The following TBC1D32 variants were observed in gnomAD, a reference collection of about 807,000 sequenced individuals.
TBC1D32 encodes protein broad-minded.
In TBC1D32, 151 loss-of-function variants were observed where a neutral mutation model predicts 170.3. The ratio of observed to expected loss-of-function variants is 0.89; its 90% CI spans 0.78 to 1.01. The LOEUF (loss-of-function observed/expected upper bound fraction) is 1.01. Among genes scored for constraint, TBC1D32 ranks in the 50% least tolerant of loss-of-function variants. TBC1D32 has a pLI of 0.00. For synonymous variants in TBC1D32, 498 were observed against 488.0 expected (o/e 1.02, Z -0.27); for missense variants, 1,464 against 1,457.1 (o/e 1.00, Z -0.08).
rs575468470 is a variant in TBC1D32 at position 121,112,437 on chromosome 6, C to G, written c.3324+68G>C. 5 of 1,340,792 alleles carry G rather than the reference C, an allele frequency of 3.7e-6. No homozygotes were observed. In the East Asian group the frequency reaches 7.6e-5, roughly 20 times the overall value. 83.1% of individuals were successfully genotyped at this position (1,340,792 alleles called of 1,614,324 possible). ...AAGTCCTTCACAAATAAAATTATGC[C>G]CCAGTGAATGTAAGTATAATGTTCT... On this transcript the variant is annotated intron_variant, in intron 29 of 31. Coordinates refer to ENST00000398212, the MANE Select transcript of TBC1D32 (RefSeq NM_152730.6).
chr6:121,099,703 A>G (rs1777801420), intron 30 of TBC1D32, among the ~76,000 whole-genome samples: 1 of 151,948 alleles, frequency 6.6e-6, no homozygotes, highest in African/African-American at 2.4e-5. Context: ...AATGGTAAAT[A>G]ATATCAACAG....
At chr6:121,324,099 T>C (rs963761479) in intron 1 of TBC1D32, among the ~76,000 whole-genome samples, 2 of 152,206 alleles carry the variant, frequency 1.3e-5, no homozygotes, top group Admixed American at 6.5e-5. Context: ...AAGCTACTAA[T>C]TCATTCACTT....
intron 10 of TBC1D32, among the ~76,000 whole-genome samples, chr6:121,298,744 C>G (rs973170252): frequency 6.6e-6 from 1 of 152,036 alleles, no homozygotes; most frequent in Admixed American, 6.6e-5. Flanking sequence ...TGCTCTACTG[C>G]ACTCAACCAA....
intron 26 of TBC1D32, among the ~76,000 whole-genome samples, chr6:121,120,584 A>C (rs1362663046): frequency 6.6e-6 from 1 of 151,962 alleles, no homozygotes; most frequent in African/African-American, 2.4e-5. Context: ...TTTTCACATA[A>C]ATTTTTATGT....
At chr6:121,095,940 C>A (rs984591783) in intron 30 of TBC1D32, 1 of 152,048 alleles carries the variant, frequency 6.6e-6, no homozygotes, top group Non-Finnish European at 1.5e-5. Flanking sequence ...ATGATGCTGG[C>A]CTTATAAAAT....
chr6:121,334,631 G>C (rs1470256247), upstream of TBC1D32: 5 of 617,438 alleles, frequency 8.1e-6, no homozygotes, highest in East Asian at 8.4e-5. Flanking sequence ...GGGGAAGCAG[G>C]GGTCCGCGAG....
rs1368774919 is a variant in TBC1D32, at chr6:121,299,489, C to A, written c.1097G>T (p.Arg366Ile). ...TTCAAGAAGTCTTAATACTGTAGTT[C>A]TGCTATAATGTGCATGCTAAAATTA... is the stretch of plus-strand genomic sequence containing the variant. ...FKKWMHAHYS[R>I]TTVLRLLETK... is the part of the protein sequence containing the mutation. Residue 366 changes from arginine (R) to isoleucine (I), a missense_variant, in exon 10 of 32, where the codon AGA becomes ATA. Arg to Ile is a moderately conservative substitution (Grantham distance 97). This residue lies in a region of TBC1D32 where 1,363 missense variants were observed against 1,338.1 expected (regional missense o/e 1.02). Transcript: ENST00000398212. 2 of 1,512,958 alleles carry A rather than the reference C, an allele frequency of 1.3e-6. No individual in the cohort carries two copies. The highest frequency in any genetic ancestry group is 1.4e-5 in the African/African-American group (1 of 73,324). 93.7% of individuals were successfully genotyped at this position (1,512,958 alleles called of 1,614,324 possible).
intron 1 of TBC1D32, among the ~76,000 whole-genome samples, chr6:121,330,182 T>C (rs1811025269): frequency 1.3e-5 from 2 of 152,160 alleles, no homozygotes; most frequent in Admixed American, 1.3e-4. Context: ...TACAGGCACA[T>C]GCCACTGCAC....
At chr6:121,172,466 A>T (rs1384752258) in intron 22 of TBC1D32, among the ~76,000 whole-genome samples, 1 of 152,164 alleles carries the variant, frequency 6.6e-6, no homozygotes, top group Non-Finnish European at 1.5e-5. Flanking sequence ...GATTAAGATC[A>T]ATGGGAAAAT....
intron 31 of TBC1D32, among the ~76,000 whole-genome samples, chr6:121,085,336 C>CAT (rs1776131376): frequency 7.9e-6 from 1 of 126,166 alleles, no homozygotes; most frequent in African/African-American, 3.9e-5. Context: ...TATATACATA[C>CAT]ATATATATAC....
chr6:121,303,425 A>G (rs1424315665), intron 9 of TBC1D32, among the ~76,000 whole-genome samples, 192 bp downstream of exon 9: 1 of 152,114 alleles, frequency 6.6e-6, no homozygotes, highest in Non-Finnish European at 1.5e-5. Context: ...TAACTTCTCC[A>G]TATCTCAGTT....
intron 20 of TBC1D32, among the ~76,000 whole-genome samples, chr6:121,227,296 T>A (rs949592994): frequency 6.6e-6 from 1 of 152,192 alleles, no homozygotes; most frequent in African/African-American, 2.4e-5. Context: ...TGTTTTTGGA[T>A]GAGAGAATCA....
At chr6:121,131,523 C>A in intron 25 of TBC1D32, 104 bp downstream of exon 25, 1 of 1,218,402 alleles carries the variant, frequency 8.2e-7, no homozygotes. Context: ...CTGGATTTAG[C>A]ATTATGTTTT....
intron 22 of TBC1D32, among the ~76,000 whole-genome samples, chr6:121,169,259 A>G (rs1786602511): frequency 6.6e-6 from 1 of 152,160 alleles, no homozygotes. Context: ...CCTAGAAATA[A>G]GGCCAAACTT....
Position 121,294,584 on chromosome 6 carries a change from T to A in TBC1D32, c.1217A>T (p.His406Leu), listed in dbSNP as rs1182524077. Reference sequence around the variant, plus strand: ...ATAATACTTACTGCAATGCTTTGAATGTCCCAAAGTTTCATCAGCTTTCCT... The same window carrying A: ...ATAATACTTACTGCAATGCTTTGAAAGTCCCAAAGTTTCATCAGCTTTCCT... ...KTRKADETLG[H>L]SKHCRNKQKT... Residue 406 changes from histidine to leucine, a missense_variant, in exon 11 of 32, where the codon CAT (histidine) becomes CTT (leucine). His to Leu is a moderately conservative substitution (Grantham distance 99, BLOSUM62 -3). This residue lies in a region of TBC1D32 where 1,363 missense variants were observed against 1,338.1 expected (regional missense o/e 1.02). Transcript: ENST00000398212. 1.9e-6 allele frequency: 3 copies of A among 1,611,366 alleles called. No individual in the cohort carries two copies. The highest frequency in any genetic ancestry group is 2.5e-6 in the Non-Finnish European group (3 of 1,178,888).
At chr6:121,279,856 C>T (rs935676099) in intron 14 of TBC1D32, among the ~76,000 whole-genome samples, 12 of 151,930 alleles carry the variant, frequency 7.9e-5, no homozygotes, top group African/African-American at 2.9e-4. Context: ...ATACTGAAAA[C>T]CAGAGAGCCA....
At chr6:121,268,574 A>G (rs900129932) in intron 15 of TBC1D32, among the ~76,000 whole-genome samples, 5 of 152,198 alleles carry the variant, frequency 3.3e-5, no homozygotes, top group Non-Finnish European at 5.9e-5. Context: ...AGGACTAAAA[A>G]GAAATGAACA....
At chr6:121,146,090 A>T (rs180840769) in intron 24 of TBC1D32, among the ~76,000 whole-genome samples, 1 of 152,310 alleles carries the variant, frequency 6.6e-6, no homozygotes, top group Admixed American at 6.5e-5. Context: ...GATGCCTTCC[A>T]TCATGCTATG....
At chr6:121,242,131 A>G in intron 18 of TBC1D32, 70 bp downstream of exon 18, 1 of 1,484,718 alleles carries the variant, frequency 6.7e-7, no homozygotes, top group Non-Finnish European at 9.2e-7. Context: ...CACAGAAAAC[A>G]GAATGATGTT....
Sources: gnomAD v4.1 joint callset for allele counts (sites outside exome capture counted in the v4.1 genomes callset) on GRCh38, gnomAD v4.1.1 for gene constraint, gnomAD v4.1.1 regional missense constraint, MANE v1.5 for transcripts, NCBI Gene and HGNC (gene_info 2026-07-23, HGNC 2026-07-21) for gene names.